CLCN3: variants seen among roughly 807,000 people sequenced by gnomAD.
The protein encoded by CLCN3 is H(+)/Cl(-) exchange transporter 3.
Under a neutral mutation model 83.4 loss-of-function variants are expected in CLCN3, and 16 were observed. The observed-to-expected ratio is 0.19, with a 90% CI of 0.13 to 0.29. CLCN3 has a LOEUF of 0.29. Among genes scored for constraint, CLCN3 ranks in the 10% least tolerant of loss-of-function variants. The pLI is 1.00. For synonymous variants in CLCN3, 322 were observed against 346.2 expected (o/e 0.93, Z 0.78); for missense variants, 544 against 1,006.0 (o/e 0.54, Z 6.21).
At position 169,659,840 on chromosome 4, in the gene CLCN3, C is replaced by T. The variant is rs370319953; in HGVS notation, c.161-20210C>T. ...ACTGTATAAAACTAGTACATTCTCT[C>T]GTAAAACCACACAAACTTACTAGAG... On this transcript the variant is annotated intron_variant, in intron 2 of 12. Transcript: ENST00000513761. Among the ~76,000 whole-genome samples the T allele has an allele frequency of 2.4e-4, 37 of 152,120 alleles. No homozygotes were observed. The South Asian group carries it at 7.1e-3, about 29-fold the overall frequency.
chr4:169,700,794 GC>G (rs2150259638), intron 9 of CLCN3, among the ~76,000 whole-genome samples: 1 of 152,246 alleles, frequency 6.6e-6, no homozygotes, highest in South Asian at 2.1e-4. Context: ...TTTACACTAT[GC>G]TGTAGTCTTA....
intron 2 of CLCN3, among the ~76,000 whole-genome samples, chr4:169,645,129 C>T (rs576804646): frequency 5.3e-5 from 8 of 152,228 alleles, no homozygotes; most frequent in Admixed American, 4.6e-4. Flanking sequence ...TTAGTATTAT[C>T]GAAAGTGTTG....
intron 1 of CLCN3, among the ~76,000 whole-genome samples, chr4:169,626,773 T>G (rs994451103): frequency 2.0e-5 from 3 of 152,156 alleles, no homozygotes; most frequent in Non-Finnish European, 4.4e-5. Context: ...AGGCCAGGAG[T>G]TCGAGACCAG....
chr4:169,662,680 A>T (rs1317314935), intron 2 of CLCN3: 1 of 152,192 alleles, frequency 6.6e-6, no homozygotes, highest in Admixed American at 6.5e-5. Flanking sequence ...ACCTTTGTTG[A>T]GTAAATTGAA....
chr4:169,697,860 G>A (rs1160854005), intron 9 of CLCN3, 126 bp downstream of exon 9: 6 of 686,882 alleles, frequency 8.7e-6, no homozygotes, highest in Non-Finnish European at 1.5e-5. Flanking sequence ...TTAATTTTAA[G>A]TAATGAAAAA....
intron 2 of CLCN3, among the ~76,000 whole-genome samples, chr4:169,655,750 C>T (rs1204657032): frequency 3.3e-5 from 5 of 152,202 alleles, no homozygotes; most frequent in African/African-American, 4.8e-5. Context: ...AAGTGATCCT[C>T]CTGCCTCAGC....
At chr4:169,685,199 A>G (rs1426670757) in intron 3 of CLCN3, among the ~76,000 whole-genome samples, 2 of 152,074 alleles carry the variant, frequency 1.3e-5, no homozygotes, top group East Asian at 3.9e-4. Context: ...CTGTGGCATT[A>G]TGTTACCAGT....
intron 2 of CLCN3, among the ~76,000 whole-genome samples, chr4:169,642,115 G>C (rs1730430893): frequency 6.6e-6 from 1 of 151,322 alleles, no homozygotes; most frequent in Non-Finnish European, 1.5e-5. Flanking sequence ...AAAATGTTTT[G>C]TAGAGATGGG....
chr4:169,662,057 A>G (rs1387613987), intron 2 of CLCN3, among the ~76,000 whole-genome samples: 2 of 152,198 alleles, frequency 1.3e-5, no homozygotes, highest in Admixed American at 6.5e-5. Flanking sequence ...GAAGCTTAAC[A>G]GTCTTTGACA....
chr4:169,689,469 G>A (rs889031041), intron 5 of CLCN3, among the ~76,000 whole-genome samples: 15 of 152,150 alleles, frequency 9.9e-5, no homozygotes, highest in African/African-American at 3.6e-4. Flanking sequence ...TATTTGAGCT[G>A]TAGTAGAAAA....
chr4:169,695,727 A>G (rs1732536860), intron 8 of CLCN3, 35 bp downstream of exon 8: 6 of 1,331,280 alleles, frequency 4.5e-6, no homozygotes, highest in South Asian at 1.2e-5. Flanking sequence ...AAAATTATAT[A>G]TAATTACCAT....
intron 6 of CLCN3, among the ~76,000 whole-genome samples, chr4:169,691,794 A>G (rs1581255824): frequency 1.3e-5 from 2 of 152,290 alleles, no homozygotes; most frequent in South Asian, 4.1e-4. Context: ...GAAATATTCA[A>G]ATTTGCCCTT....
intron 1 of CLCN3, among the ~76,000 whole-genome samples, chr4:169,624,424 G>A (rs142790443): frequency 0.011 from 1,729 of 152,168 alleles, 33 homozygotes; most frequent in African/African-American, 0.04. Flanking sequence ...ATGAGCCACC[G>A]TGCCGAGCCA....
chr4:169,634,409 T>A (rs1348088101), intron 1 of CLCN3, among the ~76,000 whole-genome samples: 2 of 152,244 alleles, frequency 1.3e-5, no homozygotes, highest in Admixed American at 1.3e-4. Flanking sequence ...AAGCTATTAA[T>A]GTTTATGTTT....
chr4:169,638,993 A>G (rs1402042620), intron 2 of CLCN3, among the ~76,000 whole-genome samples: 1 of 152,174 alleles, frequency 6.6e-6, no homozygotes, highest in African/African-American at 2.4e-5. Context: ...TAGCAAGTAT[A>G]AAGTTGGAAT....
In CLCN3 at chr4:169,633,469, T is replaced by TA. The variant is rs767539353; in HGVS notation, c.-16-2443dup. 9.9e-5 allele frequency among the ~76,000 whole-genome samples: 15 copies of TA among 151,974 alleles called. No individual in the cohort carries two copies. The South Asian group carries it at 2.7e-3, about 27-fold the overall frequency. On this transcript the variant is annotated intron_variant, in intron 1 of 12. Coordinates refer to ENST00000513761, the MANE Select transcript of CLCN3 (RefSeq NM_001829.4). ...ATATGTAAAATTTCATCTGCTGTGT[T>TA]AGAGTCTAAATAGCCTTTTGTGCCC...
chr4:169,677,234 T>TA (rs1731715614), intron 2 of CLCN3, among the ~76,000 whole-genome samples: 1 of 152,156 alleles, frequency 6.6e-6, no homozygotes, highest in African/African-American at 2.4e-5. Flanking sequence ...GCTATTTATG[T>TA]AAAAAATTCT....
At chr4:169,706,745 A>T in intron 10 of CLCN3, 123 bp from the exon 11 acceptor site, 1 of 724,790 alleles carries the variant, frequency 1.4e-6, no homozygotes, top group Non-Finnish European at 2.3e-6. Context: ...TTTAGATGCT[A>T]ATGCTTTTCC....
At position 169,680,224 on chromosome 4, in the gene CLCN3, A is replaced by G. The variant is rs1437842854; in HGVS notation, c.318+17A>G. On this transcript the variant is annotated intron_variant, in intron 3 of 12. Coordinates refer to ENST00000513761, the MANE Select transcript of CLCN3 (RefSeq NM_001829.4). Reference sequence around the variant, plus strand: ...CATAGACGGGTAAGTGTTTTTAGTAAAAATTTTTAAAAACATAGTGCATAA... The same window carrying G: ...CATAGACGGGTAAGTGTTTTTAGTAGAAATTTTTAAAAACATAGTGCATAA... The G allele has an allele frequency of 1.3e-6, 2 of 1,583,248 alleles. No homozygotes were observed. The highest frequency in any genetic ancestry group is 1.7e-6 in the Non-Finnish European group (2 of 1,160,974).
Sources: allele counts gnomAD v4.1 joint callset (sites outside exome capture counted in the v4.1 genomes callset), GRCh38; gene constraint gnomAD v4.1.1; transcripts MANE v1.5; gene names NCBI Gene and HGNC (gene_info 2026-07-23, HGNC 2026-07-21).